ZMYM2: variants seen among roughly 807,000 people sequenced by gnomAD.
ZMYM2 encodes zinc finger MYM-type containing 2, also known as zinc finger MYM-type protein 2.
Under a neutral mutation model 162.8 loss-of-function variants are expected in ZMYM2, and 56 were observed. The observed-to-expected ratio is 0.34, with a 90% CI of 0.28 to 0.43. The LOEUF (loss-of-function observed/expected upper bound fraction) is 0.43. Among genes scored for constraint, ZMYM2 ranks in the 20% least tolerant of loss-of-function variants. The probability of loss-of-function intolerance (pLI) is 1.00; values close to 1 mark genes in which losing one functional copy is unlikely to be tolerated. For synonymous variants in ZMYM2, 510 were observed against 541.6 expected, an observed-to-expected ratio of 0.94 and a Z score of 0.81; for missense variants, 1,275 against 1,621.8, an observed-to-expected ratio of 0.79 and a Z score of 3.67.
At chr13:19,874,216 A>T in the ZMYM2 span, among the ~76,000 whole-genome samples, 5 of 151,628 alleles carry the variant, frequency 3.3e-5, no homozygotes, top group Non-Finnish European at 5.9e-5. Context: ...GATTTTCTTT[A>T]TTTCTTTTTC....
At chr13:19,986,376 A>AC (rs932162606) in intron 2 of ZMYM2, among the ~76,000 whole-genome samples, 18 of 152,126 alleles carry the variant, frequency 1.2e-4, no homozygotes, top group South Asian at 2.1e-4. Context: ...AAAAACAAAA[A>AC]AAAAAAGAAG....
the ZMYM2 span, among the ~76,000 whole-genome samples, chr13:19,890,522 A>AAAAAAAAAAAAG: frequency 5.0e-3 from 735 of 148,142 alleles, 22 homozygotes; most frequent in African/African-American, 0.018. Context: ...AAAAAAAAAA[A>AAAAAAAAAAAAG]GTTGGGAAAA....
chr13:19,960,123 G>A (rs958649482), intron 2 of ZMYM2, 97 bp downstream of exon 2: 1 of 152,278 alleles, frequency 6.6e-6, no homozygotes, highest in Non-Finnish European at 1.5e-5. Flanking sequence ...TTTTGAGGGG[G>A]AGGAGCTTTC....
the ZMYM2 span, among the ~76,000 whole-genome samples, chr13:19,951,226 C>A: frequency 6.6e-6 from 1 of 151,768 alleles, no homozygotes; most frequent in Non-Finnish European, 1.5e-5. Flanking sequence ...CAAAAGCAGA[C>A]AAATGAGATA....
the ZMYM2 span, among the ~76,000 whole-genome samples, chr13:19,893,753 G>A: frequency 0.83 from 125,840 of 151,542 alleles, 54,088 homozygotes; most frequent in Non-Finnish European, 0.92. Flanking sequence ...AACTAAATAA[G>A]TAAAAAATAA....
chr13:19,931,309 A>G, the ZMYM2 span, among the ~76,000 whole-genome samples: 1 of 151,970 alleles, frequency 6.6e-6, no homozygotes, highest in Non-Finnish European at 1.5e-5. Context: ...AGTTGAACAT[A>G]CAACTCATCC....
upstream of ZMYM2, among the ~76,000 whole-genome samples, chr13:19,953,682 C>CAG (rs1954469362): frequency 1.3e-5 from 1 of 75,282 alleles, no homozygotes; most frequent in Admixed American, 2.0e-4. Context: ...GACTCTGTCT[C>CAG]AAAAAAAAAA....
chr13:19,865,670 TTTGGCA>T, the ZMYM2 span, among the ~76,000 whole-genome samples: 3 of 152,232 alleles, frequency 2.0e-5, no homozygotes, highest in African/African-American at 7.2e-5. Context: ...TTCACAATTT[TTTGGCA>T]TTGATACTGT....
the ZMYM2 span, among the ~76,000 whole-genome samples, chr13:19,932,758 C>T: frequency 6.6e-6 from 1 of 152,148 alleles, no homozygotes; most frequent in Non-Finnish European, 1.5e-5. Context: ...AAAGAGTTCT[C>T]ACCAGAAACT....
rs1956736865 is a variant in ZMYM2 at position 20,067,080 on chromosome 13, G to A, written c.3301+61G>A. On this transcript the variant is annotated intron_variant, in intron 20 of 24. Transcript: ENST00000610343. Reference sequence around the variant, plus strand: ...TTAAAATCAAGATTTCTGTTATTGAGTACCTTTAAATTTAAAAAACATAAA... The same window carrying A: ...TTAAAATCAAGATTTCTGTTATTGAATACCTTTAAATTTAAAAAACATAAA... The A allele has an allele frequency of 6.7e-6, 10 of 1,483,244 alleles. No individual in the cohort carries two copies. In the South Asian group the frequency reaches 1.1e-4, roughly 17 times the overall value. The allele number at this position is 1,483,244 out of a possible 1,614,324, so 91.9% of individuals were successfully genotyped here. A position where few individuals can be genotyped will look rare whatever the true frequency, so the allele number is the denominator to read the frequency against.
chr13:19,898,901 T>G, the ZMYM2 span, among the ~76,000 whole-genome samples: 9 of 151,668 alleles, frequency 5.9e-5, no homozygotes, highest in African/African-American at 2.2e-4. Flanking sequence ...CCACTGCTCT[T>G]TAGACTAGGT....
At chr13:19,921,681 G>A in the ZMYM2 span, among the ~76,000 whole-genome samples, 2 of 151,950 alleles carry the variant, frequency 1.3e-5, no homozygotes, top group African/African-American at 2.4e-5. Flanking sequence ...ATCTCACTAT[G>A]GTTCTTCAAA....
At chr13:19,956,377 A>G (rs777873350), upstream of ZMYM2, among the ~76,000 whole-genome samples, 3 of 152,212 alleles carry the variant, frequency 2.0e-5, no homozygotes, top group Non-Finnish European at 2.9e-5. Flanking sequence ...CATTTTGTTT[A>G]TCCATTCATC....
chr13:19,956,299 GTTGTAGTGTA>G (rs1954516736), upstream of ZMYM2, among the ~76,000 whole-genome samples: 1 of 152,138 alleles, frequency 6.6e-6, no homozygotes, highest in African/African-American at 2.4e-5. Flanking sequence ...GTTTGTCCAT[GTTGTAGTGTA>G]TATCAGAACT....
chr13:19,923,165 G>T, the ZMYM2 span, among the ~76,000 whole-genome samples: 1 of 146,350 alleles, frequency 6.8e-6, no homozygotes, highest in African/African-American at 2.5e-5. Flanking sequence ...GGCCAACATG[G>T]TGAAACCCCG....
At chr13:20,035,933 T>A (rs1953652091) in intron 11 of ZMYM2, among the ~76,000 whole-genome samples, 1 of 152,138 alleles carries the variant, frequency 6.6e-6, no homozygotes, top group Non-Finnish European at 1.5e-5. Flanking sequence ...ACATAAATGA[T>A]TGCTAAATAA....
chr13:20,052,387 G>A (rs1955441756), intron 14 of ZMYM2, 76 bp downstream of exon 14: 4 of 1,385,778 alleles, frequency 2.9e-6, no homozygotes, highest in Admixed American at 2.4e-5. Flanking sequence ...CCAATTTAAT[G>A]TGATCATAAT....
chr13:20,005,563 A>C (rs1335781164), intron 5 of ZMYM2, among the ~76,000 whole-genome samples: 6 of 152,112 alleles, frequency 3.9e-5, no homozygotes, highest in Non-Finnish European at 5.9e-5. Flanking sequence ...TTATTTAAAC[A>C]AGCAGGCAGA....
At chr13:20,051,408 C>A (rs760560022) in intron 12 of ZMYM2, 25 bp from the exon 13 acceptor site, 2 of 1,603,360 alleles carry the variant, frequency 1.2e-6, no homozygotes, top group South Asian at 1.1e-5. Flanking sequence ...TTTGCAATAT[C>A]TGAAACCTTC....
Sources: allele counts gnomAD v4.1 joint callset (sites outside exome capture counted in the v4.1 genomes callset), GRCh38; gene constraint gnomAD v4.1.1; transcripts MANE v1.5; gene names NCBI Gene and HGNC (gene_info 2026-07-23, HGNC 2026-07-21).